The following ABCC8 variants were observed in gnomAD, a reference collection of about 807,000 sequenced individuals.
ABCC8 encodes ATP-binding cassette sub-family C member 8.
ABCC8 carries 137 observed loss-of-function variants against 188.0 expected under a neutral mutation model. The observed-to-expected ratio is 0.73, with a 90% CI of 0.63 to 0.84. ABCC8 has a LOEUF of 0.84. Among genes scored for constraint, ABCC8 ranks in the 40% least tolerant of loss-of-function variants. ABCC8 has a pLI of 0.00. For missense variants in ABCC8, 1,750 were observed against 2,072.7 expected (o/e 0.84, Z 3.02); for synonymous variants, 797 against 846.5 (o/e 0.94, Z 1.01).
intron 10 of ABCC8, among the ~76,000 whole-genome samples, chr11:17,436,692 A>T (rs1403331144): frequency 1.3e-5 from 2 of 152,252 alleles, no homozygotes; most frequent in Non-Finnish European, 2.9e-5. Flanking sequence ...AGTTGCGTGT[A>T]GGCTGGCCTG....
At chr11:17,455,708 T>G (rs1399297548) in intron 6 of ABCC8, among the ~76,000 whole-genome samples, 1 of 151,910 alleles carries the variant, frequency 6.6e-6, no homozygotes. Flanking sequence ...GAGGCTGAAG[T>G]AGGCAGATCA....
rs533140721 is a variant in ABCC8 at position 17,453,405 on chromosome 11, G to A, written c.1012-122C>T. Reference sequence around the variant, plus strand: ...TTACAAGACCCTCTGGGCTTGCAAAGGCTTGTGCAATTGTTTATGAGTGAA... The same window carrying A: ...TTACAAGACCCTCTGGGCTTGCAAAAGCTTGTGCAATTGTTTATGAGTGAA... On this transcript the variant is annotated intron_variant, in intron 6 of 38. Transcript: ENST00000389817. The A allele has an allele frequency of 1.7e-4, 233 of 1,361,140 alleles. 1 individual carries two copies. In the African/African-American group the frequency reaches 3.0e-3, roughly 17 times the overall value. 84.3% of individuals were successfully genotyped at this position (1,361,140 alleles called of 1,614,324 possible).
chr11:17,450,808 C>T (rs1956788167), intron 7 of ABCC8, among the ~76,000 whole-genome samples: 1 of 150,506 alleles, frequency 6.6e-6, no homozygotes, highest in South Asian at 2.1e-4. Context: ...CCTGCCTCAG[C>T]CTCCTGAGTA....
At chr11:17,442,934 C>A (rs546856458) in intron 9 of ABCC8, 52 bp from the exon 10 acceptor site, 3 of 1,604,726 alleles carry the variant, frequency 1.9e-6, no homozygotes, top group Non-Finnish European at 2.5e-6. Context: ...GTCTCCCACC[C>A]GAGAGGAAGG....
At chr11:17,443,623 T>C (rs940036688) in intron 8 of ABCC8, among the ~76,000 whole-genome samples, 4 of 152,218 alleles carry the variant, frequency 2.6e-5, no homozygotes, top group African/African-American at 7.2e-5. Flanking sequence ...AGAGATGAGA[T>C]TGCACAATGT....
intron 1 of ABCC8, among the ~76,000 whole-genome samples, chr11:17,476,367 T>C (rs1330691009): frequency 6.6e-6 from 1 of 152,196 alleles, no homozygotes; most frequent in East Asian, 1.9e-4. Context: ...CTCTTGGCCC[T>C]GCAGAAGCAA....
downstream of ABCC8, chr11:17,392,767 C>G: frequency 1.7e-6 from 1 of 604,746 alleles, no homozygotes; most frequent in Admixed American, 2.6e-5. Flanking sequence ...GGCCTCATTT[C>G]ACAGGTAAGG....
At chr11:17,436,844 T>G (rs1320741141) in intron 10 of ABCC8, among the ~76,000 whole-genome samples, 1 of 152,178 alleles carries the variant, frequency 6.6e-6, no homozygotes, top group Non-Finnish European at 1.5e-5. Context: ...ATCCCAGCAC[T>G]CTGGGAGGCC....
chr11:17,395,821 G>C (rs949784858), intron 34 of ABCC8, 31 bp downstream of exon 34: 30 of 1,559,528 alleles, frequency 1.9e-5, no homozygotes, highest in Non-Finnish European at 2.4e-5. Context: ...GTGGCTGTGG[G>C]TACACGTGGG....
chr11:17,468,094 A>C (rs187493615), intron 3 of ABCC8, among the ~76,000 whole-genome samples: 154 of 152,204 alleles, frequency 1.0e-3, no homozygotes, highest in Middle Eastern at 6.8e-3. Flanking sequence ...TGTATTTAAC[A>C]TCTCCCCTCT....
rs748659098 is a variant in ABCC8, at chr11:17,460,530, G to T, written c.969C>A (p.Ile323=). ...CGTTCTCCTTCCCAAGGTGGTCCAC[G>T]ATCCCAAAGATGCACAGTGGCCCGG... ...GFAGPLCIFG[I]VDHLGKENDV... is the part of the protein sequence containing the mutation. The change falls in exon 6 of 39, where the codon ATC becomes ATA. Residue 323 remains isoleucine, a synonymous_variant. Coordinates refer to ENST00000389817, the MANE Select transcript of ABCC8 (RefSeq NM_000352.6). 5 of 1,614,140 alleles carry T rather than the reference G, an allele frequency of 3.1e-6. 1 individual carries two copies. The South Asian group carries it at 3.3e-5, about 11-fold the overall frequency.
intron 7 of ABCC8, among the ~76,000 whole-genome samples, chr11:17,450,339 TC>T (rs1179180004): frequency 2.9e-4 from 43 of 146,640 alleles, no homozygotes; most frequent in Middle Eastern, 6.9e-3. Flanking sequence ...TCTCTCTCTT[TC>T]CTTTCTTTCT....
intron 11 of ABCC8, 97 bp from the exon 12 acceptor site, chr11:17,431,056 T>C: frequency 1.9e-6 from 3 of 1,550,298 alleles, no homozygotes; most frequent in Middle Eastern, 2.1e-4. Flanking sequence ...GAGAGGGCTG[T>C]CAGGGAGCAG....
rs947741844 is a variant in ABCC8, at chr11:17,404,831, G to A, written c.3400-162C>T. On this transcript the variant is annotated intron_variant, in intron 27 of 38. Transcript: ENST00000389817. This position sits in a 1 kb window ranked among gnomAD's most constrained non-coding sequence, Gnocchi z 4.7. ...GACTTGAGTGCAGCAGCGTAATCTCGGTTCACGGCAGCCTCTGCCCCTTGG... is the reference window on the plus strand; with the variant it reads ...GACTTGAGTGCAGCAGCGTAATCTCAGTTCACGGCAGCCTCTGCCCCTTGG... 2.1e-5 allele frequency: 14 copies of A among 679,788 alleles called. No individual in the cohort carries two copies. The highest frequency in any genetic ancestry group is 1.3e-4 in the South Asian group (2 of 15,132). The allele number at this position is 679,788 out of a possible 1,614,324, so 42.1% of individuals were successfully genotyped here. A position where few individuals can be genotyped will look rare whatever the true frequency, so the allele number is the denominator to read the frequency against.
At chr11:17,396,697 G>A (rs1327398821) in intron 33 of ABCC8, 6 of 607,654 alleles carry the variant, frequency 9.9e-6, no homozygotes, top group South Asian at 9.8e-5. Flanking sequence ...TGGTGGATGA[G>A]TGAGAAGACA....
At chr11:17,410,744 C>G in intron 21 of ABCC8, 91 bp from the exon 22 acceptor site, 2 of 1,565,992 alleles carry the variant, frequency 1.3e-6, no homozygotes, top group African/African-American at 1.3e-5. Flanking sequence ...AGAGTTCTAT[C>G]AACTCTGCTC....
At chr11:17,435,590 C>T (rs766077405) in intron 10 of ABCC8, 51 of 1,372,742 alleles carry the variant, frequency 3.7e-5, no homozygotes, top group Non-Finnish European at 5.0e-5. Context: ...GAACTTTTCC[C>T]AGGCTGGAGA....
At chr11:17,438,472 G>A (rs1956191434) in intron 10 of ABCC8, among the ~76,000 whole-genome samples, 2 of 152,114 alleles carry the variant, frequency 1.3e-5, no homozygotes, top group East Asian at 1.9e-4. Flanking sequence ...AACCTCCGTA[G>A]AGCCTGGCAC....
At chr11:17,475,152 C>T in intron 1 of ABCC8, 125 bp from the exon 2 acceptor site, 1 of 1,434,012 alleles carries the variant, frequency 7.0e-7, no homozygotes, top group South Asian at 1.2e-5. Flanking sequence ...CATGAGGATC[C>T]CCAAGGCTGG....
Sources: allele counts gnomAD v4.1 joint callset (sites outside exome capture counted in the v4.1 genomes callset), GRCh38; gene constraint gnomAD v4.1.1; non-coding constraint Gnocchi (gnomAD v3.1); transcripts MANE v1.5; gene names NCBI Gene and HGNC (gene_info 2026-07-23, HGNC 2026-07-21).